The following SLC6A5 variants were observed in gnomAD, a reference collection of about 807,000 sequenced individuals.
SLC6A5 encodes sodium- and chloride-dependent glycine transporter 2.
Under a neutral mutation model 90.5 loss-of-function variants are expected in SLC6A5, and 58 were observed. The observed-to-expected ratio is 0.64, with a 90% CI of 0.52 to 0.80. SLC6A5 has a LOEUF of 0.80. SLC6A5 is among the 30% of genes least tolerant of loss of function. The pLI is 0.00. For missense variants in SLC6A5, 1,015 were observed against 1,017.6 expected (o/e 1.00, Z 0.03); for synonymous variants, 427 against 401.4 (o/e 1.06, Z -0.76).
intron 13 of SLC6A5, among the ~76,000 whole-genome samples, chr11:20,642,445 A>G (rs1363393443): frequency 1.3e-5 from 2 of 152,128 alleles, no homozygotes; most frequent in African/African-American, 4.8e-5. Context: ...CTAAAATAAT[A>G]GCCATGAGTT....
intron 1 of SLC6A5, among the ~76,000 whole-genome samples, chr11:20,600,741 C>T (rs901623192): frequency 1.3e-5 from 2 of 152,022 alleles, no homozygotes; most frequent in African/African-American, 4.8e-5. Flanking sequence ...GGAAATGGGG[C>T]GGAAAATTAA....
intron 14 of SLC6A5, among the ~76,000 whole-genome samples, chr11:20,648,560 T>C (rs1443162196): frequency 6.6e-6 from 1 of 152,152 alleles, no homozygotes; most frequent in Non-Finnish European, 1.5e-5. Flanking sequence ...CTGGAATGTA[T>C]ATGAAGAACT....
intron 2 of SLC6A5, among the ~76,000 whole-genome samples, chr11:20,603,909 T>G (rs1292125474): frequency 6.6e-6 from 1 of 150,764 alleles, no homozygotes; most frequent in Non-Finnish European, 1.5e-5. Flanking sequence ...GCCAAATAAA[T>G]TCTTGGTAAG....
rs926201466 is a variant in SLC6A5, at chr11:20,646,931, A to G, written c.2067A>G (p.Leu689=). The G allele has an allele frequency of 1.9e-6, 3 of 1,606,212 alleles. No homozygotes were observed. The highest frequency in any genetic ancestry group is 2.6e-6 in the Non-Finnish European group (3 of 1,173,090). ...VCWAFVTPTI[L]TFILCFSFYQ... Reference sequence around the variant, plus strand: ...GGGCATTTGTAACCCCAACCATTTTAACCGTAAGGATTTTGCATGTTTTCT... The same window carrying G: ...GGGCATTTGTAACCCCAACCATTTTGACCGTAAGGATTTTGCATGTTTTCT... Residue 689 remains leucine (L), a synonymous_variant, in exon 14 of 16, where the codon TTA becomes TTG. Transcript: ENST00000525748.
chr11:20,630,741 G>T lies in SLC6A5; in HGVS notation c.1550G>T (p.Gly517Val). ...AACAGTGCCACAAGCATCTTTGCCG[G>T]CTTCGTCATCTTCTCCGTTATCGGC... ...CTNSATSIFAGFVIFSVIGFM... is the reference protein window; with the variant it reads ...CTNSATSIFAVFVIFSVIGFM... The change falls in exon 10 of 16, where the codon GGC (glycine) becomes GTC (valine). Residue 517 changes from glycine to valine, a missense_variant. By Grantham distance (109) the Gly-to-Val change is moderately radical. Transcript: ENST00000525748. 1 of 1,614,188 alleles carries T rather than the reference G, an allele frequency of 6.2e-7. No individual in the cohort carries two copies. Among genetic ancestry groups the T allele is most frequent in the South Asian group, 1.1e-5 (1 of 91,084 alleles).
chr11:20,658,933 A>G lies in SLC6A5; in HGVS notation c.*4065A>G, dbSNP rs1853668484. On this transcript the variant is annotated 3_prime_UTR_variant, in exon 16 of 16. Transcript: ENST00000525748. ...ACATTGTGTACTTGGCTAATGTCCT[A>G]AATGCAGGCATCTTTTGTGGGTACT... 1 of 152,096 alleles carries G rather than the reference A, an allele frequency of 6.6e-6. No homozygotes were observed. The highest frequency in any genetic ancestry group is 6.6e-5 in the Admixed American group (1 of 15,264). 9.4% of individuals were successfully genotyped at this position (152,096 alleles called of 1,614,324 possible).
chr11:20,607,419 A>C, intron 4 of SLC6A5, 60 bp from the exon 5 acceptor site: 1 of 1,598,170 alleles, frequency 6.3e-7, no homozygotes. Context: ...CCTATGCCCA[A>C]CTCTAAGAAT....
chr11:20,600,825 C>A (rs1184896174), intron 1 of SLC6A5, among the ~76,000 whole-genome samples: 1 of 152,198 alleles, frequency 6.6e-6, no homozygotes, highest in African/African-American at 2.4e-5. Flanking sequence ...GGGAGGGGAG[C>A]TCATGACTCC....
chr11:20,621,888 C>T (rs2001982), intron 7 of SLC6A5, among the ~76,000 whole-genome samples: 88,042 of 152,044 alleles, frequency 0.58, 25,685 homozygotes, highest in South Asian at 0.71. Context: ...GAGGCACGGG[C>T]GACCAGCAGG....
Position 20,601,355 on chromosome 11 carries a change from T to C in SLC6A5, c.230T>C (p.Val77Ala). 1 of 1,600,502 alleles carries C rather than the reference T, an allele frequency of 6.2e-7. No homozygotes were observed. Among genetic ancestry groups the C allele is most frequent in the South Asian group, 1.1e-5 (1 of 89,522 alleles). ...ARACEAERPG[V>A]GSCKLSSPRA... ...GCCTGCGAGGCTGAGCGGCCAGGAGTGGGGTCTTGCAAACTCAGTAGCCCG... is the reference window on the plus strand; with the variant it reads ...GCCTGCGAGGCTGAGCGGCCAGGAGCGGGGTCTTGCAAACTCAGTAGCCCG... The change falls in exon 2 of 16, where the codon GTG (valine) becomes GCG (alanine). Residue 77 changes from valine to alanine, a missense_variant. Coordinates refer to ENST00000525748, the MANE Select transcript of SLC6A5 (RefSeq NM_004211.5).
chr11:20,654,824 C>T lies in SLC6A5; in HGVS notation c.2350C>T (p.Leu784Phe). The change falls in exon 16 of 16, where the codon CTC becomes TTC. Residue 784 changes from leucine to phenylalanine, a missense_variant. This residue lies in a region of SLC6A5 where 442 missense variants were observed against 494.3 expected (regional missense o/e 0.89). Coordinates refer to ENST00000525748, the MANE Select transcript of SLC6A5 (RefSeq NM_004211.5). ...CCCCTTGGGAACCTCTTCCTTGGGA[C>T]TCAAACTGCCAGTGAAGGATTTGGA... Reference protein sequence around the residue: ...IDPLGTSSLGLKLPVKDLELG... With the variant: ...IDPLGTSSLGFKLPVKDLELG... The T allele has an allele frequency of 6.2e-7, 1 of 1,614,164 alleles. No homozygotes were observed.
At chr11:20,647,655 A>G (rs1000705273) in intron 14 of SLC6A5, among the ~76,000 whole-genome samples, 4 of 152,024 alleles carry the variant, frequency 2.6e-5, no homozygotes, top group African/African-American at 9.7e-5. Flanking sequence ...TCTCCCTCAC[A>G]GTAGCTCCTC....
At chr11:20,625,099 C>T (rs1353977507) in intron 7 of SLC6A5, among the ~76,000 whole-genome samples, 1 of 152,146 alleles carries the variant, frequency 6.6e-6, no homozygotes, top group Non-Finnish European at 1.5e-5. Flanking sequence ...CGTGGGACTG[C>T]AGAGCCTGAG....
At chr11:20,609,751 A>G (rs891816344) in intron 5 of SLC6A5, among the ~76,000 whole-genome samples, 3 of 152,172 alleles carry the variant, frequency 2.0e-5, no homozygotes, top group Admixed American at 6.5e-5. Flanking sequence ...GAGCTGCCCC[A>G]TGACACTCTC....
chr11:20,633,987 T>G (rs906044147), intron 10 of SLC6A5, among the ~76,000 whole-genome samples: 7 of 152,164 alleles, frequency 4.6e-5, no homozygotes, highest in Admixed American at 1.3e-4. Context: ...TTCTCCTGCC[T>G]CAGCCTCCTG....
intron 14 of SLC6A5, 75 bp from the exon 15 acceptor site, chr11:20,652,214 G>T: frequency 7.6e-7 from 1 of 1,322,430 alleles, no homozygotes; most frequent in Non-Finnish European, 1.1e-6. Flanking sequence ...AACTCATAAC[G>T]GGGGTTTAAT....
At position 20,630,749 on chromosome 11, in the gene SLC6A5, A is replaced by G. The variant is rs1479911774; in HGVS notation, c.1558A>G (p.Ile520Val). 1.2e-6 allele frequency: 2 copies of G among 1,614,082 alleles called. No homozygotes were observed. The highest frequency in any genetic ancestry group is 2.2e-5 in the East Asian group (1 of 44,890). The change falls in exon 10 of 16, where the codon ATC becomes GTC. Residue 520 changes from isoleucine to valine, a missense_variant. Ile to Val is a conservative substitution (Grantham distance 29). Around this residue, in one of 3 missense-constraint regions of SLC6A5, gnomAD observed 442 missense variants for 494.3 expected, o/e 0.89. Coordinates refer to ENST00000525748, the MANE Select transcript of SLC6A5 (RefSeq NM_004211.5). Reference sequence around the variant, plus strand: ...CACAAGCATCTTTGCCGGCTTCGTCATCTTCTCCGTTATCGGCTTCATGGC... The same window carrying G: ...CACAAGCATCTTTGCCGGCTTCGTCGTCTTCTCCGTTATCGGCTTCATGGC... ...SATSIFAGFVIFSVIGFMANE... is the reference protein window; with the variant it reads ...SATSIFAGFVVFSVIGFMANE...
At chr11:20,630,868 A>C in intron 10 of SLC6A5, 53 bp downstream of exon 10, 1 of 1,603,164 alleles carries the variant, frequency 6.2e-7, no homozygotes, top group Non-Finnish European at 8.5e-7. Context: ...GGCTCATGTC[A>C]CAAGCTCCTA....
chr11:20,648,637 C>T (rs767714090), intron 14 of SLC6A5, among the ~76,000 whole-genome samples: 4 of 152,128 alleles, frequency 2.6e-5, no homozygotes, highest in African/African-American at 4.8e-5. Flanking sequence ...TCCGGTGTTC[C>T]CATCTCTACT....
Sources: allele counts gnomAD v4.1 joint callset (sites outside exome capture counted in the v4.1 genomes callset), GRCh38; gene constraint gnomAD v4.1.1; regional missense constraint gnomAD v4.1.1; transcripts MANE v1.5; gene names NCBI Gene and HGNC (gene_info 2026-07-23, HGNC 2026-07-21).